Variants in SERPINE3 observed in about 807,000 individuals in gnomAD.
The protein encoded by SERPINE3 is serpin family E member 3.
A neutral mutation model predicts 41.7 loss-of-function variants in SERPINE3; 43 were observed. That is an observed-to-expected ratio of 1.03 (90% CI 0.81 to 1.33). The LOEUF (loss-of-function observed/expected upper bound fraction) is 1.33. SERPINE3 is among the 40% of genes most tolerant of loss of function. The pLI is 0.00. For synonymous variants in SERPINE3, 200 were observed against 192.2 expected, an observed-to-expected ratio of 1.04 and a Z score of -0.34; for missense variants, 440 against 491.7, an observed-to-expected ratio of 0.89 and a Z score of 0.99.
Position 51,341,306 on chromosome 13 carries a change from C to G in SERPINE3, c.215C>G (p.Thr72Ser). The part of the protein sequence containing the change: ...EILQFGAEGS[T>S]GQQLADALGY... ...CTGCAGTTTGGAGCAGAAGGGAGCA[C>G]TGGTCAGCAGCTGGCAGATGCCCTG... is the stretch of plus-strand genomic sequence containing the variant. The change falls in exon 3 of 10, where the codon ACT (threonine) becomes AGT (serine). Residue 72 changes from threonine (T) to serine (S), a missense_variant. By Grantham distance (58) the Thr-to-Ser change is moderately conservative. Coordinates refer to ENST00000681248, the MANE Select transcript of SERPINE3 (RefSeq NM_001386375.1). 6.2e-7 allele frequency: 1 copy of G among 1,612,366 alleles called. No individual in the cohort carries two copies.
chr13:51,362,716 T>C (rs1247573634), intron 9 of SERPINE3: 1 of 152,426 alleles, frequency 6.6e-6, no homozygotes, highest in Non-Finnish European at 1.5e-5. Flanking sequence ...TGTCAAAAGT[T>C]AGAATGAAAA....
chr13:51,342,056 T>C (rs1955297396), intron 3 of SERPINE3, among the ~76,000 whole-genome samples: 1 of 151,916 alleles, frequency 6.6e-6, no homozygotes, highest in East Asian at 1.9e-4. Flanking sequence ...CTGCTTACGC[T>C]CAGTGCCTCA....
At chr13:51,342,493 C>A (rs1435459570) in intron 3 of SERPINE3, among the ~76,000 whole-genome samples, 1 of 152,224 alleles carries the variant, frequency 6.6e-6, no homozygotes, top group Non-Finnish European at 1.5e-5. Context: ...CAACCTCCGG[C>A]ATTTTTTACC....
intron 4 of SERPINE3, among the ~76,000 whole-genome samples, chr13:51,345,232 T>TCCACAGGC (rs1955334259): frequency 6.6e-6 from 1 of 152,142 alleles, no homozygotes; most frequent in Non-Finnish European, 1.5e-5. Flanking sequence ...CTGCCCAGGG[T>TCCACAGGC]CCACAGGCCA....
In SERPINE3 at chr13:51,349,221, G is replaced by A. The variant is rs1955382242; in HGVS notation, c.899+810G>A. On this transcript the variant is annotated intron_variant, in intron 6 of 9. Transcript: ENST00000681248. ...CTCTCCACTGCCTGGGCTTCCAGTA[G>A]GCAAAGGCAAAGTCCTTGGCAGTAC... 2.6e-5 allele frequency among the ~76,000 whole-genome samples: 4 copies of A among 152,172 alleles called. No homozygotes were observed. The South Asian group carries it at 8.3e-4, about 31-fold the overall frequency.
chr13:51,364,097 G>A, intron 9 of SERPINE3, 142 bp from the exon 10 acceptor site: 1 of 420,070 alleles, frequency 2.4e-6, no homozygotes, highest in Non-Finnish European at 4.2e-6. Flanking sequence ...TTAGCAATGT[G>A]ACTACAGGCA....
At chr13:51,341,904 A>G (rs567157772) in intron 3 of SERPINE3, among the ~76,000 whole-genome samples, 2 of 152,344 alleles carry the variant, frequency 1.3e-5, no homozygotes, top group East Asian at 3.9e-4. Flanking sequence ...TTAAGAGCCC[A>G]TGCTTTTGAC....
At chr13:51,351,731 T>C (rs1483027755) in intron 6 of SERPINE3, among the ~76,000 whole-genome samples, 1 of 152,066 alleles carries the variant, frequency 6.6e-6, no homozygotes, top group Non-Finnish European at 1.5e-5. Context: ...GTCACAAAAA[T>C]TTAGGTGTAT....
intron 6 of SERPINE3, among the ~76,000 whole-genome samples, chr13:51,351,575 T>C (rs540089827): frequency 1.3e-5 from 2 of 152,176 alleles, no homozygotes; most frequent in East Asian, 1.9e-4. Flanking sequence ...TTTGTCATTC[T>C]GTGGTTTTTC....
intron 3 of SERPINE3, among the ~76,000 whole-genome samples, chr13:51,342,662 C>T (rs556641154): frequency 3.9e-4 from 59 of 152,204 alleles, no homozygotes; most frequent in Admixed American, 2.0e-3. Context: ...AATGTGGGTC[C>T]CCTGGCCCAG....
chr13:51,341,303 G>A lies in SERPINE3; in HGVS notation c.212G>A (p.Ser71Asn), dbSNP rs780152029. ...LEILQFGAEG[S>N]TGQQLADALG... ...ATCCTGCAGTTTGGAGCAGAAGGGAGCACTGGTCAGCAGCTGGCAGATGCC... is the reference window on the plus strand; with the variant it reads ...ATCCTGCAGTTTGGAGCAGAAGGGAACACTGGTCAGCAGCTGGCAGATGCC... Residue 71 changes from serine to asparagine, a missense_variant, in exon 3 of 10, where the codon AGC (serine) becomes AAC (asparagine). Physicochemically the swap from Ser to Asn is conservative, Grantham distance 46 (BLOSUM62 1). Transcript: ENST00000681248. 1.9e-6 allele frequency: 3 copies of A among 1,612,322 alleles called. No homozygotes were observed. Among genetic ancestry groups the A allele is most frequent in the South Asian group, 2.2e-5 (2 of 90,724 alleles).
intron 7 of SERPINE3, among the ~76,000 whole-genome samples, chr13:51,361,060 AT>A (rs1221851595): frequency 6.6e-6 from 1 of 152,054 alleles, no homozygotes; most frequent in Non-Finnish European, 1.5e-5. Flanking sequence ...TATATAACAA[AT>A]TAAAGTTTGG....
chr13:51,361,078 A>G (rs1955566905), intron 7 of SERPINE3, among the ~76,000 whole-genome samples, 200 bp from the exon 8 acceptor site: 1 of 152,070 alleles, frequency 6.6e-6, no homozygotes, highest in African/African-American at 2.4e-5. Context: ...TTGGTAACAT[A>G]TTGAGTCTTA....
intron 6 of SERPINE3, among the ~76,000 whole-genome samples, chr13:51,349,917 G>GT (rs1020687375): frequency 5.9e-5 from 9 of 151,960 alleles, no homozygotes; most frequent in South Asian, 4.1e-4. Context: ...AACTAACCAA[G>GT]TTTTTTTTGT....
At chr13:51,349,818 T>TA (rs1955387318) in intron 6 of SERPINE3, among the ~76,000 whole-genome samples, 1 of 152,214 alleles carries the variant, frequency 6.6e-6, no homozygotes, top group Non-Finnish European at 1.5e-5. Context: ...CTCATTCTGA[T>TA]AATTTTTTTT....
chr13:51,346,706 T>C (rs1955349705), intron 4 of SERPINE3, among the ~76,000 whole-genome samples: 1 of 152,152 alleles, frequency 6.6e-6, no homozygotes, highest in Non-Finnish European at 1.5e-5. Context: ...ACAGAGCCTC[T>C]GACTCTGGCC....
At chr13:51,353,337 C>A (rs1260327944) in intron 6 of SERPINE3, among the ~76,000 whole-genome samples, 2 of 152,178 alleles carry the variant, frequency 1.3e-5, no homozygotes, top group African/African-American at 2.4e-5. Context: ...ACAATAAGTG[C>A]ATGGGCTGTG....
In SERPINE3 at chr13:51,342,297, G is replaced by T. The variant is rs372295606; in HGVS notation, c.256+950G>T. ...CCTACCCATTCTTCACCCTGTGGGT[G>T]AGCAGGGCAGTAAAGCCCCACCACC... is the stretch of plus-strand genomic sequence containing the variant. On this transcript the variant is annotated intron_variant, in intron 3 of 9. Coordinates refer to ENST00000681248, the MANE Select transcript of SERPINE3 (RefSeq NM_001386375.1). Among the ~76,000 whole-genome samples, 11 of 152,134 alleles carry T rather than the reference G, an allele frequency of 7.2e-5. 2 individuals carry two copies. Among genetic ancestry groups the T allele is most frequent in the East Asian group, 1.9e-4 (1 of 5,164 alleles).
At chr13:51,360,153 G>C (rs1453357660) in intron 7 of SERPINE3, among the ~76,000 whole-genome samples, 1 of 152,032 alleles carries the variant, frequency 6.6e-6, no homozygotes, top group African/African-American at 2.4e-5. Context: ...CTGTGTGTGC[G>C]TGACAAACAC....
Sources: allele counts gnomAD v4.1 joint callset (sites outside exome capture counted in the v4.1 genomes callset), GRCh38; gene constraint gnomAD v4.1.1; transcripts MANE v1.5; gene names NCBI Gene and HGNC (gene_info 2026-07-23, HGNC 2026-07-21).